The following GLRA1 variants were observed in gnomAD, a reference collection of about 807,000 sequenced individuals.
GLRA1 encodes glycine receptor alpha 1.
Under a neutral mutation model 48.3 loss-of-function variants are expected in GLRA1, and 37 were observed. The ratio of observed to expected loss-of-function variants is 0.77; its 90% CI spans 0.59 to 1.01. GLRA1 has a LOEUF of 1.01. Among genes scored for constraint, GLRA1 ranks in the 50% least tolerant of loss-of-function variants. The pLI is 0.00. For missense variants in GLRA1, 427 were observed against 571.0 expected, an observed-to-expected ratio of 0.75 and a Z score of 2.57; for synonymous variants, 196 against 210.7, an observed-to-expected ratio of 0.93 and a Z score of 0.60.
intron 4 of GLRA1, among the ~76,000 whole-genome samples, chr5:151,859,306 G>C (rs1226246441): frequency 6.6e-6 from 1 of 152,182 alleles, no homozygotes; most frequent in Non-Finnish European, 1.5e-5. Flanking sequence ...TCTGGAGAAG[G>C]AAATCTAAAC....
chr5:151,881,473 T>C (rs1753760613), intron 3 of GLRA1, among the ~76,000 whole-genome samples: 1 of 149,560 alleles, frequency 6.7e-6, no homozygotes, highest in African/African-American at 2.5e-5. Context: ...ACTACAAGCA[T>C]GTGCCACCAT....
At chr5:151,837,807 T>C (rs1763614582) in intron 7 of GLRA1, among the ~76,000 whole-genome samples, 1 of 151,974 alleles carries the variant, frequency 6.6e-6, no homozygotes. Context: ...CCAGGGCCTA[T>C]TGGGTGGTAG....
At chr5:151,838,431 C>T (rs1054307686) in intron 7 of GLRA1, among the ~76,000 whole-genome samples, 3 of 152,130 alleles carry the variant, frequency 2.0e-5, no homozygotes, top group South Asian at 2.1e-4. Context: ...ATCGTATCAC[C>T]GCACTCTAGC....
intron 1 of GLRA1, among the ~76,000 whole-genome samples, chr5:151,907,202 C>A (rs1238532411): frequency 6.6e-6 from 1 of 151,368 alleles, no homozygotes; most frequent in Non-Finnish European, 1.5e-5. Flanking sequence ...AAAAAAAATA[C>A]AGATAAATTG....
At chr5:151,917,738 C>A (rs1244652530) in intron 1 of GLRA1, among the ~76,000 whole-genome samples, 1 of 152,182 alleles carries the variant, frequency 6.6e-6, no homozygotes, top group African/African-American at 2.4e-5. Context: ...AGCTAAGAGT[C>A]CTTCCTACCG....
chr5:151,887,861 A>G, intron 2 of GLRA1, among the ~76,000 whole-genome samples: 1 of 152,248 alleles, frequency 6.6e-6, no homozygotes, highest in East Asian at 1.9e-4. Flanking sequence ...TCCAGGTGAG[A>G]GAAGTTCTGG....
At chr5:151,897,455 G>T (rs1252534251) in intron 1 of GLRA1, among the ~76,000 whole-genome samples, 5 of 147,338 alleles carry the variant, frequency 3.4e-5, no homozygotes, top group Non-Finnish European at 1.5e-5. Flanking sequence ...AAATGATGCA[G>T]TTTTTTTTTT....
chr5:151,921,426 T>C (rs906730044), intron 1 of GLRA1, among the ~76,000 whole-genome samples: 3 of 152,350 alleles, frequency 2.0e-5, no homozygotes, highest in Admixed American at 6.5e-5. Flanking sequence ...CATTTTTTGA[T>C]GGTCATGACT....
At position 151,823,015 on chromosome 5, in the gene GLRA1, A is replaced by G. The variant is rs1401889696; in HGVS notation, c.1060-52T>C. ...ACTTAAAATAAGACAGGGGCTAGGC[A>G]CCCTCCCTGCAAGGCACTCCCTTGG... On this transcript the variant is annotated intron_variant, in intron 8 of 8. Transcript: ENST00000274576. 2.6e-5 allele frequency: 39 copies of G among 1,503,760 alleles called. 1 individual carries two copies. Among genetic ancestry groups the G allele is most frequent in the Non-Finnish European group, 3.3e-5 (37 of 1,118,478 alleles). The allele number at this position is 1,503,760 out of a possible 1,614,324, so 93.2% of individuals were successfully genotyped here.
chr5:151,880,382 C>T (rs1352195889), intron 3 of GLRA1, among the ~76,000 whole-genome samples: 1 of 152,184 alleles, frequency 6.6e-6, no homozygotes, highest in East Asian at 1.9e-4. Flanking sequence ...TCTCCTGACT[C>T]CTGGTTCAGA....
At position 151,879,835 on chromosome 5, in the gene GLRA1, A is replaced by T. The variant is rs148193367; in HGVS notation, c.252+6886T>A. The stretch of plus-strand genomic sequence containing the variant: ...AGATTTGGGAGGGGCCAGGAGCGGA[A>T]TGATATGATTTGGCTGTGTCCCCAC... On this transcript the variant is annotated intron_variant, in intron 3 of 8. Transcript: ENST00000274576. 8.6e-3 allele frequency among the ~76,000 whole-genome samples: 1,310 copies of T among 152,298 alleles called. 16 individuals are homozygous for T. The highest frequency in any genetic ancestry group is 0.03 in the African/African-American group (1,257 of 41,558).
intron 3 of GLRA1, chr5:151,875,565 C>T (rs1309760646): frequency 1.3e-5 from 2 of 152,156 alleles, no homozygotes; most frequent in Non-Finnish European, 2.9e-5. Flanking sequence ...TGACCAAGGT[C>T]GTTCTTGTGA....
At chr5:151,850,343 C>A in intron 7 of GLRA1, 1 of 1,465,880 alleles carries the variant, frequency 6.8e-7, no homozygotes, top group South Asian at 1.1e-5. Context: ...TGGGCTGTTT[C>A]ATTTTGCATC....
intron 1 of GLRA1, among the ~76,000 whole-genome samples, chr5:151,899,024 G>A (rs1165140085): frequency 6.6e-6 from 1 of 152,228 alleles, no homozygotes; most frequent in East Asian, 1.9e-4. Flanking sequence ...AGAGTTTAGT[G>A]TGTGTATGAA....
chr5:151,833,412 G>A (rs765069669), intron 7 of GLRA1, among the ~76,000 whole-genome samples: 12 of 152,150 alleles, frequency 7.9e-5, no homozygotes, highest in Admixed American at 1.3e-4. Context: ...CCAATCTCAC[G>A]TGCAAAGACA....
intron 7 of GLRA1, among the ~76,000 whole-genome samples, chr5:151,842,928 T>C (rs1163266473): frequency 6.6e-6 from 1 of 152,310 alleles, no homozygotes; most frequent in East Asian, 1.9e-4. Flanking sequence ...CAAAAATCAA[T>C]TGTATTTCTA....
chr5:151,845,761 A>G (rs1031213850), intron 7 of GLRA1, among the ~76,000 whole-genome samples: 12 of 152,192 alleles, frequency 7.9e-5, no homozygotes, highest in African/African-American at 2.9e-4. Context: ...AAACTTGTAC[A>G]CAGATGTTCA....
At chr5:151,849,153 T>TTTCTTTCTTTCTTTCTTTCTTTCTTTC (rs375546011) in intron 7 of GLRA1, 1 of 76,058 alleles carries the variant, frequency 1.3e-5, no homozygotes, top group African/African-American at 7.6e-5. Flanking sequence ...TCTTTCTTTC[T>TTTCTTTCTTTCTTTCTTTCTTTCTTTC]TTTCTTTTCT....
Position 151,912,262 on chromosome 5 carries a change from G to GTTTTTTT in GLRA1, c.56+12225_56+12231dup, listed in dbSNP as rs370730368. Among the ~76,000 whole-genome samples the GTTTTTTT allele has an allele frequency of 1.6e-5, 2 of 121,616 alleles. 1 individual carries two copies. The allele number at this position is 121,616 out of a possible 152,430, so 79.8% of individuals were successfully genotyped here. A position where few individuals can be genotyped will look rare whatever the true frequency, so the allele number is the denominator to read the frequency against. On this transcript the variant is annotated intron_variant, in intron 1 of 8. Coordinates refer to ENST00000274576, the MANE Select transcript of GLRA1 (RefSeq NM_000171.4). ...CTCTTATTTGGCTCCTGTGAAGACT[G>GTTTTTTT]TTTTTTTTTTTTTTTTTTCTACTAG...
Sources: allele counts gnomAD v4.1 joint callset (sites outside exome capture counted in the v4.1 genomes callset), GRCh38; gene constraint gnomAD v4.1.1; transcripts MANE v1.5; gene names NCBI Gene and HGNC (gene_info 2026-07-23, HGNC 2026-07-21).